The following WDHD1 variants were observed in gnomAD, a reference collection of about 807,000 sequenced individuals.
WDHD1 encodes the protein WD repeat and HMG-box DNA-binding protein 1.
Under a neutral mutation model 135.4 loss-of-function variants are expected in WDHD1, and 111 were observed. The ratio of observed to expected loss-of-function variants is 0.82; its 90% CI spans 0.70 to 0.96. The LOEUF is 0.96. Among genes scored for constraint, WDHD1 ranks in the 40% least tolerant of loss-of-function variants. WDHD1 has a pLI of 0.00. For missense variants in WDHD1, 1,351 were observed against 1,336.3 expected, an observed-to-expected ratio of 1.01 and a Z score of -0.17; for synonymous variants, 434 against 439.0, an observed-to-expected ratio of 0.99 and a Z score of 0.14.
Position 54,987,853 on chromosome 14 carries a change from T to C in WDHD1, c.1527-466A>G, listed in dbSNP as rs2041718522. On this transcript the variant is annotated intron_variant, in intron 13 of 25. Transcript: ENST00000360586. ...TGTTGGTCAGGCTGGTCTCAAACTCTTGAGCTCAGGTCATCTGTCCGCCTT... is the reference window on the plus strand; with the variant it reads ...TGTTGGTCAGGCTGGTCTCAAACTCCTGAGCTCAGGTCATCTGTCCGCCTT... Among the ~76,000 whole-genome samples, 3 of 152,112 alleles carry C rather than the reference T, an allele frequency of 2.0e-5. No individual in the cohort carries two copies. In the South Asian group the frequency reaches 6.2e-4, roughly 32 times the overall value.
At chr14:54,963,799 CAAAAAA>C (rs34281869) in intron 18 of WDHD1, among the ~76,000 whole-genome samples, 1 of 83,016 alleles carries the variant, frequency 1.2e-5, no homozygotes, top group African/African-American at 4.7e-5. Context: ...GACTCTGTCT[CAAAAAA>C]AAAAAAAAAA....
chr14:55,024,242 T>C (rs1332605266), intron 2 of WDHD1, among the ~76,000 whole-genome samples: 1 of 152,216 alleles, frequency 6.6e-6, no homozygotes, highest in Non-Finnish European at 1.5e-5. Context: ...GTCTACTTTA[T>C]CCCTCTAGGT....
chr14:54,957,379 C>G (rs749002719), intron 22 of WDHD1, among the ~76,000 whole-genome samples, 175 bp from the exon 23 acceptor site: 2 of 152,142 alleles, frequency 1.3e-5, no homozygotes, highest in East Asian at 3.8e-4. Context: ...AATACCACAT[C>G]CCCAAGAAAG....
chr14:55,017,348 T>C (rs1297037809), intron 2 of WDHD1, among the ~76,000 whole-genome samples: 2 of 152,204 alleles, frequency 1.3e-5, no homozygotes, highest in Non-Finnish European at 2.9e-5. Context: ...CAATATTCTT[T>C]TTTTTTCTTT....
At position 54,972,553 on chromosome 14, in the gene WDHD1, C is replaced by CAAAAAAAAAAAAAAAAAAAAAAAAA. The variant is rs71410642; in HGVS notation, c.2064-5184_2064-5160dup. Among the ~76,000 whole-genome samples the CAAAAAAAAAAAAAAAAAAAAAAAAA allele has an allele frequency of 8.6e-4, 22 of 25,500 alleles. 3 individuals carry two copies. Among genetic ancestry groups the CAAAAAAAAAAAAAAAAAAAAAAAAA allele is most frequent in the South Asian group, 4.1e-3 (2 of 484 alleles). The allele number at this position is 25,500 out of a possible 152,430, so 16.7% of individuals were successfully genotyped here. ...CCTGGGCAATAAAGCAAGACTGTCACAAAAAAAAAAAAAAAAAAAAAAAAA... is the reference window on the plus strand; with the variant it reads ...CCTGGGCAATAAAGCAAGACTGTCACAAAAAAAAAAAAAAAAAAAAAAAAAAAAAAAAAAAAAAAAAAAAAAAAAA... On this transcript the variant is annotated intron_variant, in intron 16 of 25. Coordinates refer to ENST00000360586, the MANE Select transcript of WDHD1 (RefSeq NM_007086.4).
Position 55,026,829 on chromosome 14 carries a change from C to CTT in WDHD1, c.-16-28_-16-27dup, listed in dbSNP as rs546496125. The CTT allele has an allele frequency of 4.9e-4, 787 of 1,607,544 alleles. 6 individuals are homozygous for CTT. In the African/African-American group the frequency reaches 9.0e-3, roughly 18 times the overall value. ...CTGAAAATGTTTTATAAAAGCCAGT[C>CTT]TTATTATTTCAAAAGAGAAAAGCAG... On this transcript the variant is annotated intron_variant, in intron 1 of 25. Coordinates refer to ENST00000360586, the MANE Select transcript of WDHD1 (RefSeq NM_007086.4).
At chr14:55,018,003 C>T (rs1203835928) in intron 2 of WDHD1, among the ~76,000 whole-genome samples, 1 of 152,096 alleles carries the variant, frequency 6.6e-6, no homozygotes, top group African/African-American at 2.4e-5. Context: ...CCTCCCACCT[C>T]AGCAGCGCAC....
At chr14:54,954,158 T>C (rs143533126) in intron 24 of WDHD1, among the ~76,000 whole-genome samples, 11 of 150,096 alleles carry the variant, frequency 7.3e-5, no homozygotes, top group South Asian at 2.1e-4. Context: ...TGGTGGCGTA[T>C]GCCTGCAATC....
At chr14:54,974,686 G>A (rs1302480574) in intron 16 of WDHD1, among the ~76,000 whole-genome samples, 1 of 152,014 alleles carries the variant, frequency 6.6e-6, no homozygotes, top group Admixed American at 6.6e-5. Flanking sequence ...AATTAACTGG[G>A]CATGGTGGCA....
intron 2 of WDHD1, among the ~76,000 whole-genome samples, chr14:55,023,763 C>T (rs2042387817): frequency 6.6e-6 from 1 of 152,110 alleles, no homozygotes; most frequent in African/African-American, 2.4e-5. Flanking sequence ...CTTAAGCTTA[C>T]CGAAATAGCA....
intron 25 of WDHD1, 27 bp from the exon 26 acceptor site, chr14:54,941,717 G>C: frequency 1.9e-6 from 3 of 1,566,728 alleles, no homozygotes; most frequent in Admixed American, 2.0e-5. Context: ...GAGTGAAAAG[G>C]AAAGATTTTT....
chr14:54,963,393 G>A (rs2041288595), intron 18 of WDHD1, among the ~76,000 whole-genome samples: 1 of 152,114 alleles, frequency 6.6e-6, no homozygotes. Context: ...ATGTCTCCAT[G>A]GCTTAAATGA....
intron 21 of WDHD1, among the ~76,000 whole-genome samples, chr14:54,959,118 C>T (rs2041206941): frequency 6.6e-6 from 1 of 152,074 alleles, no homozygotes. Flanking sequence ...AGCCTGTAAT[C>T]CCAGCACTTT....
intron 2 of WDHD1, among the ~76,000 whole-genome samples, chr14:55,024,563 AAG>A (rs1347832242): frequency 5.9e-5 from 9 of 152,168 alleles, no homozygotes; most frequent in African/African-American, 7.2e-5. Flanking sequence ...GGGGAAAAGC[AAG>A]AGAGATCAGA....
chr14:54,989,949 C>A lies in WDHD1; in HGVS notation c.1342-737G>T, dbSNP rs575064170. On this transcript the variant is annotated intron_variant, in intron 12 of 25. Coordinates refer to ENST00000360586, the MANE Select transcript of WDHD1 (RefSeq NM_007086.4). ...AAAGTGCTGGGATTATAGGCGTGAG[C>A]CATCACGCCCGGCAGAGGCAACATA... Among the ~76,000 whole-genome samples the A allele has an allele frequency of 3.3e-4, 50 of 152,276 alleles. No individual in the cohort carries two copies. In the South Asian group the frequency reaches 9.7e-3, roughly 30 times the overall value.
intron 2 of WDHD1, among the ~76,000 whole-genome samples, chr14:55,017,780 T>G (rs556073352): frequency 6.6e-6 from 1 of 152,234 alleles, no homozygotes; most frequent in Non-Finnish European, 1.5e-5. Context: ...CTTGTCAAAT[T>G]TTCAGATTTT....
intron 24 of WDHD1, among the ~76,000 whole-genome samples, chr14:54,951,499 A>C (rs1401939568): frequency 6.6e-6 from 1 of 152,208 alleles, no homozygotes; most frequent in Non-Finnish European, 1.5e-5. Flanking sequence ...AATTGAGGCA[A>C]TAATTAATAG....
In WDHD1 at chr14:55,010,326, T is replaced by A. The variant is rs2042148293; in HGVS notation, c.324A>T (p.Lys108Asn). ...AGCCTTACCTAGATCCAGCAGCAATTTTAGTACCATCCCCATTAAAGACCA... is the reference window on the plus strand; with the variant it reads ...AGCCTTACCTAGATCCAGCAGCAATATTAGTACCATCCCCATTAAAGACCA... ...NHVVFNGDGT[K>N]IAAGSSDFLV... Residue 108 changes from lysine (K) to asparagine (N), a missense_variant, in exon 4 of 26, where the codon AAA (lysine) becomes AAT (asparagine). This residue lies in a region of WDHD1 where 1,330 missense variants were observed against 1,296.1 expected (regional missense o/e 1.03). Coordinates refer to ENST00000360586, the MANE Select transcript of WDHD1 (RefSeq NM_007086.4). The A allele has an allele frequency of 6.2e-7, 1 of 1,604,720 alleles. No homozygotes were observed. Among genetic ancestry groups the A allele is most frequent in the Non-Finnish European group, 8.5e-7 (1 of 1,177,138 alleles).
chr14:54,943,300 G>C (rs533853555), intron 25 of WDHD1, among the ~76,000 whole-genome samples: 1 of 152,348 alleles, frequency 6.6e-6, no homozygotes, highest in East Asian at 1.9e-4. Context: ...ATAGTCTCAT[G>C]TAGTATTTAA....
Sources: allele counts gnomAD v4.1 joint callset (sites outside exome capture counted in the v4.1 genomes callset), GRCh38; gene constraint gnomAD v4.1.1; regional missense constraint gnomAD v4.1.1; transcripts MANE v1.5; gene names NCBI Gene and HGNC (gene_info 2026-07-23, HGNC 2026-07-21).